The following RYR2 variants were observed in gnomAD, a reference collection of about 807,000 sequenced individuals.
The protein encoded by RYR2 is cardiac muscle ryanodine receptor-calcium release channel.
In RYR2, 227 loss-of-function variants were observed where a neutral mutation model predicts 601.1. The observed-to-expected ratio is 0.38, with a 90% CI of 0.34 to 0.42. The LOEUF is 0.42. Ranked by LOEUF, RYR2 falls within the 10% of genes least tolerant of loss-of-function variation. RYR2 has a pLI of 1.00. For synonymous variants in RYR2, 2,223 were observed against 2,175.1 expected, an observed-to-expected ratio of 1.02 and a Z score of -0.61; for missense variants, 4,646 against 6,156.5, an observed-to-expected ratio of 0.75 and a Z score of 8.21.
At chr1:237,062,659 C>T (rs1663027896) in intron 1 of RYR2, among the ~76,000 whole-genome samples, 1 of 152,128 alleles carries the variant, frequency 6.6e-6, no homozygotes, top group South Asian at 2.1e-4. Context: ...GTCATCTGTA[C>T]ATACTGACCA....
At chr1:237,831,485 AT>A (rs775138598) in intron 103 of RYR2, 28 bp from the exon 104 acceptor site, 2 of 1,289,784 alleles carry the variant, frequency 1.6e-6, no homozygotes, top group Non-Finnish European at 2.2e-6. Flanking sequence ...CATACCGTTC[AT>A]TTCTGATCAG....
intron 35 of RYR2, among the ~76,000 whole-genome samples, chr1:237,603,483 G>T (rs893301691): frequency 6.6e-6 from 1 of 152,204 alleles, no homozygotes; most frequent in African/African-American, 2.4e-5. Flanking sequence ...ATGCCAAATT[G>T]TAAAGACCAT....
intron 1 of RYR2, among the ~76,000 whole-genome samples, chr1:237,057,050 G>A (rs977458948): frequency 1.3e-5 from 2 of 152,174 alleles, no homozygotes; most frequent in Admixed American, 6.5e-5. Flanking sequence ...TGGATTTAGT[G>A]TTTTGGAGAG....
intron 76 of RYR2, 82 bp downstream of exon 76, chr1:237,727,281 G>A: frequency 5.3e-6 from 3 of 562,658 alleles, no homozygotes; most frequent in East Asian, 5.9e-5. Context: ...TACCTTAATA[G>A]GGGTACAATA....
intron 17 of RYR2, among the ~76,000 whole-genome samples, chr1:237,489,899 C>G (rs1663131912): frequency 6.6e-6 from 1 of 152,170 alleles, no homozygotes; most frequent in Non-Finnish European, 1.5e-5. Context: ...TACCCATCCA[C>G]AGTAAACTGC....
At chr1:237,252,882 T>A (rs957374760) in intron 1 of RYR2, among the ~76,000 whole-genome samples, 1 of 152,124 alleles carries the variant, frequency 6.6e-6, no homozygotes, top group Non-Finnish European at 1.5e-5. Context: ...TATAAAATAA[T>A]GGTTGGGCAC....
intron 16 of RYR2, among the ~76,000 whole-genome samples, chr1:237,465,906 G>A (rs1301129308): frequency 6.6e-6 from 1 of 152,178 alleles, no homozygotes; most frequent in African/African-American, 2.4e-5. Flanking sequence ...CATTTTATCT[G>A]ATTCATTGTT....
chr1:237,281,724 C>T (rs929684649), intron 2 of RYR2, among the ~76,000 whole-genome samples: 2 of 152,268 alleles, frequency 1.3e-5, no homozygotes, highest in East Asian at 3.9e-4. Context: ...GTTCTGGAAG[C>T]CTTAGTTCTC....
At chr1:237,765,634 T>C (rs1231497434) in intron 84 of RYR2, among the ~76,000 whole-genome samples, 1 of 152,232 alleles carries the variant, frequency 6.6e-6, no homozygotes. Context: ...TAATTATTTA[T>C]GGGCTACCTT....
At chr1:237,688,174 T>A (rs1347902341) in intron 63 of RYR2, among the ~76,000 whole-genome samples, 1 of 152,244 alleles carries the variant, frequency 6.6e-6, no homozygotes, top group African/African-American at 2.4e-5. Context: ...CTTTAGTGGC[T>A]GGTGGAATTT....
chr1:237,469,193 T>C lies in RYR2; in HGVS notation c.1708+6T>C. The C allele has an allele frequency of 8.8e-6, 14 of 1,592,536 alleles. No homozygotes were observed. The highest frequency in any genetic ancestry group is 1.2e-5 in the Non-Finnish European group (14 of 1,166,482). ...AAGACTGGAAGCTTCTTCAGGTATG[T>C]TTTCTAGTTTTTTCCTTGTTGTGAT... is the stretch of plus-strand genomic sequence containing the variant. On this transcript the variant is annotated splice_donor_region_variant and intron_variant, in intron 17 of 104. Transcript: ENST00000366574.
At chr1:237,455,079 T>C (rs1658647094) in intron 15 of RYR2, among the ~76,000 whole-genome samples, 1 of 152,112 alleles carries the variant, frequency 6.6e-6, no homozygotes, top group Admixed American at 6.6e-5. Flanking sequence ...ACCCTACCCT[T>C]CTCCTTTGCA....
chr1:237,490,127 A>G (rs994707839), intron 17 of RYR2, among the ~76,000 whole-genome samples: 3 of 152,182 alleles, frequency 2.0e-5, no homozygotes, highest in Non-Finnish European at 4.4e-5. Context: ...GGAGCTAAAC[A>G]AGGGGTACTC....
chr1:237,749,450 A>G (rs534077806), intron 80 of RYR2, among the ~76,000 whole-genome samples: 2 of 151,952 alleles, frequency 1.3e-5, no homozygotes, highest in East Asian at 3.9e-4. Context: ...TATTATTATT[A>G]TTATTAATCA....
intron 2 of RYR2, among the ~76,000 whole-genome samples, chr1:237,281,250 T>A (rs993856687): frequency 1.8e-4 from 27 of 152,204 alleles, no homozygotes; most frequent in Admixed American, 9.8e-4. Context: ...CAGTGAGGAA[T>A]ACAACATCAG....
At chr1:237,430,213 T>G (rs1299206965) in intron 12 of RYR2, among the ~76,000 whole-genome samples, 1 of 150,828 alleles carries the variant, frequency 6.6e-6, no homozygotes, top group African/African-American at 2.4e-5. Flanking sequence ...GTTATATGCA[T>G]AACAATATAT....
intron 2 of RYR2, among the ~76,000 whole-genome samples, chr1:237,303,991 T>C (rs1309473473): frequency 6.6e-6 from 1 of 152,214 alleles, no homozygotes; most frequent in Non-Finnish European, 1.5e-5. Flanking sequence ...GATTTGTGTC[T>C]CAGGGAAATC....
chr1:237,465,655 T>C (rs576949977), intron 16 of RYR2, among the ~76,000 whole-genome samples: 1 of 152,022 alleles, frequency 6.6e-6, no homozygotes, highest in Non-Finnish European at 1.5e-5. Context: ...TGCATGGCTA[T>C]GCTATACGGG....
intron 2 of RYR2, among the ~76,000 whole-genome samples, chr1:237,318,941 T>TAC (rs1695359447): frequency 6.6e-6 from 1 of 152,124 alleles, no homozygotes; most frequent in Non-Finnish European, 1.5e-5. Context: ...AGACTCCCAT[T>TAC]ACACGTATAT....
Sources: allele counts gnomAD v4.1 joint callset (sites outside exome capture counted in the v4.1 genomes callset), GRCh38; gene constraint gnomAD v4.1.1; transcripts MANE v1.5; gene names NCBI Gene and HGNC (gene_info 2026-07-23, HGNC 2026-07-21).